Variants in GPHN observed in about 807,000 individuals in gnomAD.
GPHN encodes gephyrin.
GPHN carries 17 observed loss-of-function variants against 95.5 expected under a neutral mutation model. The observed-to-expected ratio is 0.18, with a 90% CI of 0.12 to 0.27. The LOEUF (loss-of-function observed/expected upper bound fraction) is 0.27. Among genes scored for constraint, GPHN ranks in the 10% least tolerant of loss-of-function variants. The pLI, the probability that GPHN is intolerant of heterozygous loss-of-function variation, is 1.00. For synonymous variants in GPHN, 320 were observed against 322.5 expected, an observed-to-expected ratio of 0.99 and a Z score of 0.08; for missense variants, 660 against 978.1, an observed-to-expected ratio of 0.67 and a Z score of 4.34.
intron 9 of GPHN, among the ~76,000 whole-genome samples, chr14:67,010,367 G>A (rs1289175313): frequency 6.6e-6 from 1 of 151,302 alleles, no homozygotes; most frequent in Non-Finnish European, 1.5e-5. Flanking sequence ...TGGCCAACAC[G>A]GTGAAACCCT....
intron 2 of GPHN, among the ~76,000 whole-genome samples, chr14:66,700,604 C>T (rs2068462690): frequency 6.6e-6 from 1 of 152,038 alleles, no homozygotes; most frequent in South Asian, 2.1e-4. Flanking sequence ...TATTATTCAT[C>T]CTAGAATAGA....
intron 4 of GPHN, among the ~76,000 whole-genome samples, chr14:66,854,891 A>T (rs1432320268): frequency 6.7e-6 from 1 of 148,600 alleles, no homozygotes; most frequent in Non-Finnish European, 1.5e-5. Context: ...TCTGTCACCC[A>T]GACTGGAGTG....
intron 2 of GPHN, among the ~76,000 whole-genome samples, chr14:66,770,477 T>C (rs1368858999): frequency 6.6e-6 from 1 of 152,166 alleles, no homozygotes; most frequent in Non-Finnish European, 1.5e-5. Flanking sequence ...ACTATAATGG[T>C]ACCTTTAATA....
chr14:66,524,645 G>A (rs1016366734), intron 1 of GPHN, among the ~76,000 whole-genome samples: 8 of 151,702 alleles, frequency 5.3e-5, no homozygotes, highest in Non-Finnish European at 7.4e-5. Flanking sequence ...TATCCCTCCC[G>A]CAGCCCCCCA....
the GPHN span, among the ~76,000 whole-genome samples, chr14:67,485,162 A>C: frequency 6.6e-6 from 1 of 152,174 alleles, no homozygotes; most frequent in African/African-American, 2.4e-5. Context: ...ACTGAACCAA[A>C]CGGTACAACA....
the GPHN span, among the ~76,000 whole-genome samples, chr14:67,459,375 C>T: frequency 6.6e-6 from 1 of 152,198 alleles, no homozygotes; most frequent in African/African-American, 2.4e-5. Flanking sequence ...CCATTAGAGT[C>T]TGATAGCAAA....
the GPHN span, among the ~76,000 whole-genome samples, chr14:67,350,281 A>G: frequency 6.6e-6 from 1 of 152,252 alleles, no homozygotes; most frequent in Non-Finnish European, 1.5e-5. Context: ...ACTGAGAATT[A>G]ACCCAAATAC....
rs2060468969 is a variant in GPHN, at chr14:66,566,520, T to C, written c.64+57929T>C. 2.0e-5 allele frequency among the ~76,000 whole-genome samples: 3 copies of C among 150,886 alleles called. No homozygotes were observed. The South Asian group carries it at 6.3e-4, about 32-fold the overall frequency. ...ACTTTCTTATTGTCTACATTTTTTG[T>C]AGTCTGAGTTGTATGCTTTCCCTAC... On this transcript the variant is annotated intron_variant, in intron 1 of 22. Coordinates refer to ENST00000478722, the MANE Select transcript of GPHN (RefSeq NM_020806.5).
the GPHN span, chr14:67,204,910 G>A: frequency 6.2e-7 from 1 of 1,611,172 alleles, no homozygotes; most frequent in East Asian, 2.2e-5. Flanking sequence ...CGACATCACA[G>A]ATGTCACAGA....
chr14:67,388,885 G>T, the GPHN span, among the ~76,000 whole-genome samples: 1 of 151,942 alleles, frequency 6.6e-6, no homozygotes, highest in Non-Finnish European at 1.5e-5. Flanking sequence ...CATCACCTTG[G>T]CCAGGCTGGT....
At chr14:67,643,004 T>C in the GPHN span, among the ~76,000 whole-genome samples, 1 of 152,068 alleles carries the variant, frequency 6.6e-6, no homozygotes, top group African/African-American at 2.4e-5. Flanking sequence ...GGTTTGGCCA[T>C]GTTGCCCAGA....
intron 2 of GPHN, among the ~76,000 whole-genome samples, chr14:66,773,820 C>G (rs549856388): frequency 1.3e-3 from 193 of 152,158 alleles, no homozygotes; most frequent in Non-Finnish European, 2.5e-3. Context: ...AATCCTCTCA[C>G]CTTGGATTCC....
chr14:67,440,706 C>G, the GPHN span, among the ~76,000 whole-genome samples: 13 of 151,710 alleles, frequency 8.6e-5, no homozygotes, highest in Admixed American at 4.6e-4. Flanking sequence ...GAGCTGAGAT[C>G]GTGCCACTGC....
intron 1 of GPHN, among the ~76,000 whole-genome samples, chr14:66,678,384 T>G (rs762312829): frequency 3.3e-5 from 5 of 151,886 alleles, no homozygotes; most frequent in Non-Finnish European, 7.4e-5. Context: ...TTCAATTGTA[T>G]TTTTTTAATT....
the GPHN span, among the ~76,000 whole-genome samples, chr14:67,366,311 A>G: frequency 1.5e-3 from 227 of 152,216 alleles, 4 homozygotes; most frequent in East Asian, 1.9e-4. Flanking sequence ...GGCTCAAGCG[A>G]TTCTCCTGCC....
At chr14:67,231,561 C>T in the GPHN span, among the ~76,000 whole-genome samples, 1 of 152,188 alleles carries the variant, frequency 6.6e-6, no homozygotes, top group Non-Finnish European at 1.5e-5. Flanking sequence ...GCCTGAGCCA[C>T]TGGGTCCAGC....
At chr14:67,105,470 C>G (rs1368257890) in intron 13 of GPHN, among the ~76,000 whole-genome samples, 1 of 152,106 alleles carries the variant, frequency 6.6e-6, no homozygotes, top group African/African-American at 2.4e-5. Context: ...GAATCTGTCT[C>G]TCCTTTTAGA....
chr14:67,125,863 A>T (rs1567369695), intron 17 of GPHN, among the ~76,000 whole-genome samples: 1 of 151,912 alleles, frequency 6.6e-6, no homozygotes, highest in Non-Finnish European at 1.5e-5. Context: ...TTGTATCATT[A>T]AAAAAGGTTT....
At chr14:66,943,026 T>G (rs1409840512) in intron 8 of GPHN, among the ~76,000 whole-genome samples, 1 of 152,226 alleles carries the variant, frequency 6.6e-6, no homozygotes, top group Non-Finnish European at 1.5e-5. Context: ...CTTAAGAGTA[T>G]CTTGTGCTTT....
Sources: allele counts gnomAD v4.1 joint callset (sites outside exome capture counted in the v4.1 genomes callset), GRCh38; gene constraint gnomAD v4.1.1; transcripts MANE v1.5; gene names NCBI Gene and HGNC (gene_info 2026-07-23, HGNC 2026-07-21).